Variants in ZBTB7A observed in about 807,000 individuals in gnomAD.
ZBTB7A encodes zinc finger and BTB domain-containing protein 7A.
ZBTB7A carries 7 observed loss-of-function variants against 26.7 expected under a neutral mutation model. The observed-to-expected ratio is 0.26, with a 90% confidence interval of 0.15 to 0.49. The LOEUF is 0.49. ZBTB7A is among the 20% of genes least tolerant of loss of function. ZBTB7A has a pLI of 0.98. For missense variants in ZBTB7A, 617 were observed against 919.5 expected (o/e 0.67, Z 4.25); for synonymous variants, 452 against 441.0 (o/e 1.02, Z -0.31).
At chr19:4,049,148 ATGTGTGTG>A (rs141419678) in intron 2 of ZBTB7A, among the ~76,000 whole-genome samples, 12 of 41,634 alleles carry the variant, frequency 2.9e-4, no homozygotes, top group African/African-American at 9.3e-4. Flanking sequence ...ATTAAACTAT[ATGTGTGTG>A]TGTGTGTGTG....
rs977450624 is a variant in ZBTB7A at position 4,048,805 on chromosome 19, G to A, written c.1263-561C>T. 2.0e-5 allele frequency among the ~76,000 whole-genome samples: 3 copies of A among 150,972 alleles called. No individual in the cohort carries two copies. Among genetic ancestry groups the A allele is most frequent in the African/African-American group, 4.9e-5 (2 of 41,072 alleles). On this transcript the variant is annotated intron_variant, in intron 2 of 2. Coordinates refer to ENST00000322357, the MANE Select transcript of ZBTB7A (RefSeq NM_015898.4). This position sits in a 1 kb window ranked among gnomAD's most constrained non-coding sequence, Gnocchi z 6.7. Reference sequence around the variant, plus strand: ...GAGGTGGAGGTTGCAGTGAAACTCCGTCTCAAAAAAAAAAATTTCACTTTT... The same window carrying A: ...GAGGTGGAGGTTGCAGTGAAACTCCATCTCAAAAAAAAAAATTTCACTTTT...
At position 4,045,884 on chromosome 19, in the gene ZBTB7A, A is replaced by G; in HGVS notation, c.*1868T>C. On this transcript the variant is annotated 3_prime_UTR_variant, in exon 3 of 3. Coordinates refer to ENST00000322357, the MANE Select transcript of ZBTB7A (RefSeq NM_015898.4). The surrounding 1 kb of genome is among the most constrained non-coding windows in gnomAD (Gnocchi z 4.1). The stretch of plus-strand genomic sequence containing the variant: ...TGGATTACAGTCAGTGCCTTTGAGT[A>G]AAAAGAGGGGTGCCTGGGGTGGGGA... The G allele has an allele frequency of 1.0e-5, 4 of 398,574 alleles. No individual in the cohort carries two copies. The highest frequency in any genetic ancestry group is 4.4e-6 in the Non-Finnish European group (1 of 225,996). The allele number at this position is 398,574 out of a possible 1,614,324, so 24.7% of individuals were successfully genotyped here.
intron 1 of ZBTB7A, among the ~76,000 whole-genome samples, chr19:4,064,914 C>T (rs901963545): frequency 2.6e-5 from 4 of 152,008 alleles, no homozygotes; most frequent in Non-Finnish European, 2.9e-5. Flanking sequence ...CAGCAACCTC[C>T]CGCCGCGGCC....
chr19:4,045,776 G>C lies in ZBTB7A; in HGVS notation c.*1976C>G. 2.5e-6 allele frequency: 1 copy of C among 397,760 alleles called. No individual in the cohort carries two copies. 24.6% of individuals were successfully genotyped at this position (397,760 alleles called of 1,614,324 possible). A position where few individuals can be genotyped will look rare whatever the true frequency, so the allele number is the denominator to read the frequency against. On this transcript the variant is annotated 3_prime_UTR_variant, in exon 3 of 3. Coordinates refer to ENST00000322357, the MANE Select transcript of ZBTB7A (RefSeq NM_015898.4). The surrounding 1 kb of genome is among the most constrained non-coding windows in gnomAD (Gnocchi z 4.1). ...CTGGCGACATAGTCTCCCCAACCCCGGCCCCTGTCCGTGGCCTGTGGCTCG... is the reference window on the plus strand; with the variant it reads ...CTGGCGACATAGTCTCCCCAACCCCCGCCCCTGTCCGTGGCCTGTGGCTCG...
At chr19:4,058,766 C>A (rs951509395) in intron 1 of ZBTB7A, among the ~76,000 whole-genome samples, 2 of 152,226 alleles carry the variant, frequency 1.3e-5, no homozygotes, top group African/African-American at 4.8e-5. Context: ...TGGTGTCGGT[C>A]CAGCCGGACC....
Position 4,047,927 on chromosome 19 carries a change from G to C in ZBTB7A, c.1580C>G (p.Pro527Arg). 1 of 1,504,702 alleles carries C rather than the reference G, an allele frequency of 6.6e-7. No individual in the cohort carries two copies. Among genetic ancestry groups the C allele is most frequent in the Non-Finnish European group, 8.9e-7 (1 of 1,125,500 alleles). 93.2% of individuals were successfully genotyped at this position (1,504,702 alleles called of 1,614,324 possible). The change falls in exon 3 of 3, where the codon CCC becomes CGC. Residue 527 changes from proline (P) to arginine (R), a missense_variant. Transcript: ENST00000322357. ...CTCCTGGCCGTTGCGCCGGGCGTCG[G>C]GGGAGCTGGGCTGGGCGGGGGCGCC... ...TPGAPAQPSS[P>R]DARRNGQEKH...
rs2144990877 is a variant in ZBTB7A, at chr19:4,054,341, A to C, written c.892T>G (p.Ser298Ala). ...PEPGDSPGFL[S>A]GAAEGEDGDG... ...CCGTCCTCGCCCTCGGCCGCTCCCG[A>C]CAGGAAGCCCGGAGAGTCGCCCGGC... The change falls in exon 2 of 3, where the codon TCG becomes GCG. Residue 298 changes from serine (S) to alanine (A), a missense_variant. Physicochemically the swap from Ser to Ala is moderately conservative, Grantham distance 99. Around this residue, in one of 5 missense-constraint regions of ZBTB7A, gnomAD observed 331 missense variants for 391.3 expected, o/e 0.85. Transcript: ENST00000322357. 1 of 1,504,504 alleles carries C rather than the reference A, an allele frequency of 6.6e-7. No individual in the cohort carries two copies. The highest frequency in any genetic ancestry group is 8.8e-7 in the Non-Finnish European group (1 of 1,134,964). The allele number at this position is 1,504,504 out of a possible 1,614,324, so 93.2% of individuals were successfully genotyped here.
intron 1 of ZBTB7A, among the ~76,000 whole-genome samples, chr19:4,065,074 G>A (rs930986711): frequency 6.6e-6 from 1 of 151,704 alleles, no homozygotes; most frequent in Non-Finnish European, 1.5e-5. Context: ...GGGAGGTAGG[G>A]AGCGGGAGGG....
chr19:4,064,890 C>T (rs1321511477), intron 1 of ZBTB7A, among the ~76,000 whole-genome samples: 1 of 152,060 alleles, frequency 6.6e-6, no homozygotes, highest in Non-Finnish European at 1.5e-5. Context: ...ACTGGGTGTC[C>T]GGGCCCGGGT....
intron 2 of ZBTB7A, among the ~76,000 whole-genome samples, chr19:4,051,882 C>T (rs1303902417): frequency 1.3e-5 from 2 of 152,070 alleles, no homozygotes; most frequent in Non-Finnish European, 2.9e-5. Context: ...GGAGGTATCC[C>T]TAGTTTCATC....
Position 4,054,156 on chromosome 19 carries a change from G to A in ZBTB7A, c.1077C>T (p.Ala359=), listed in dbSNP as rs200804885. 1.6e-5 allele frequency: 26 copies of A among 1,602,560 alleles called. 1 individual carries two copies. The highest frequency in any genetic ancestry group is 1.1e-4 in the South Asian group (10 of 91,072). Residue 359 remains alanine, a synonymous_variant, in exon 2 of 3, where the codon GCC becomes GCT. Coordinates refer to ENST00000322357, the MANE Select transcript of ZBTB7A (RefSeq NM_015898.4). ...AGGCCGGGTAGACGTCGCCGTCGTG[G>A]GCGCCGCTGAAGTACTTCAGGTAGT... ...MDYYLKYFSG[A]HDGDVYPAWS...
intron 1 of ZBTB7A, among the ~76,000 whole-genome samples, chr19:4,056,804 T>C (rs576639083): frequency 1.3e-5 from 2 of 149,476 alleles, no homozygotes; most frequent in African/African-American, 2.5e-5. Flanking sequence ...GGGGTGGAGG[T>C]TGCAGTGAGC....
In ZBTB7A at chr19:4,054,744, G is replaced by A. The variant is rs2040555072; in HGVS notation, c.489C>T (p.Phe163=). The part of the protein sequence containing the change: ...NLLRAKEYLE[F]FQSNPMNSLP... Reference sequence around the variant, plus strand: ...GGCTGTTCATGGGGTTGCTCTGGAAGAACTCGAGGTACTCCTTGGCGCGGA... The same window carrying A: ...GGCTGTTCATGGGGTTGCTCTGGAAAAACTCGAGGTACTCCTTGGCGCGGA... Residue 163 remains phenylalanine (F), a synonymous_variant, in exon 2 of 3, where the codon TTC becomes TTT. Transcript: ENST00000322357. 2 of 1,569,540 alleles carry A rather than the reference G, an allele frequency of 1.3e-6. No individual in the cohort carries two copies. Among genetic ancestry groups the A allele is most frequent in the Non-Finnish European group, 1.7e-6 (2 of 1,157,002 alleles).
rs992461874 is a variant in ZBTB7A, at chr19:4,045,835, G to T, written c.*1917C>A. The T allele has an allele frequency of 2.5e-6, 1 of 398,678 alleles. No homozygotes were observed. The highest frequency in any genetic ancestry group is 2.1e-5 in the African/African-American group (1 of 48,624). The allele number at this position is 398,678 out of a possible 1,614,324, so 24.7% of individuals were successfully genotyped here. A position where few individuals can be genotyped will look rare whatever the true frequency, so the allele number is the denominator to read the frequency against. ...CGGGCCTTGTGGGAGCCAGAGGTTG[G>T]GGGGAGGCAGGTCCCAGTCCCCCTG... is the stretch of plus-strand genomic sequence containing the variant. On this transcript the variant is annotated 3_prime_UTR_variant, in exon 3 of 3. Coordinates refer to ENST00000322357, the MANE Select transcript of ZBTB7A (RefSeq NM_015898.4). This position sits in a 1 kb window ranked among gnomAD's most constrained non-coding sequence, Gnocchi z 4.1.
chr19:4,049,816 C>T (rs912006697), intron 2 of ZBTB7A, among the ~76,000 whole-genome samples: 10 of 152,164 alleles, frequency 6.6e-5, no homozygotes, highest in Non-Finnish European at 8.8e-5. Flanking sequence ...TCCCGCAGTC[C>T]GGGGTACTTT....
At chr19:4,065,912 C>A (rs747693350) in intron 1 of ZBTB7A, among the ~76,000 whole-genome samples, 1,903 of 140,034 alleles carry the variant, frequency 0.014, 16 homozygotes, top group Non-Finnish European at 0.022. Context: ...CGCCCCCTGG[C>A]GGGCTGGCCC....
Position 4,054,454 on chromosome 19 carries a change from G to A in ZBTB7A, c.779C>T (p.Pro260Leu). Residue 260 changes from proline (P) to leucine (L), a missense_variant, in exon 2 of 3, where the codon CCG (proline) becomes CTG (leucine). Physicochemically the swap from Pro to Leu is moderately conservative, Grantham distance 98. Around this residue, in one of 5 missense-constraint regions of ZBTB7A, gnomAD observed 331 missense variants for 391.3 expected, o/e 0.85. Transcript: ENST00000322357. Reference protein sequence around the residue: ...DAPTGGLFPPPVAPPAATQNG... With the variant: ...DAPTGGLFPPLVAPPAATQNG... ...CTGCGTGGCGGCCGGCGGGGCCACC[G>A]GCGGCGGAAAGAGACCCCCGGTGGG... 6 of 1,357,804 alleles carry A rather than the reference G, an allele frequency of 4.4e-6. No homozygotes were observed. Among genetic ancestry groups the A allele is most frequent in the South Asian group, 1.7e-5 (1 of 57,896 alleles). The allele number at this position is 1,357,804 out of a possible 1,614,324, so 84.1% of individuals were successfully genotyped here.
At position 4,054,352 on chromosome 19, in the gene ZBTB7A, GGA is replaced by G; in HGVS notation, c.879_880del (p.Pro294GlyfsTer245). 6.7e-7 allele frequency: 1 copy of G among 1,487,596 alleles called. No individual in the cohort carries two copies. The highest frequency in any genetic ancestry group is 8.9e-7 in the Non-Finnish European group (1 of 1,128,330). 92.1% of individuals were successfully genotyped at this position (1,487,596 alleles called of 1,614,324 possible). ...CTCGGCCGCTCCCGACAGGAAGCCC[GGA>G]GAGTCGCCCGGCTCGGGGGCCGCCT... On this transcript the variant is annotated frameshift_variant, in exon 2 of 3. Coordinates refer to ENST00000322357, the MANE Select transcript of ZBTB7A (RefSeq NM_015898.4). LOFTEE classifies it high-confidence loss of function.
rs955915127 is a variant in ZBTB7A, at chr19:4,045,754, G to A, written c.*1998C>T. 1 of 397,274 alleles carries A rather than the reference G, an allele frequency of 2.5e-6. No homozygotes were observed. Among genetic ancestry groups the A allele is most frequent in the Admixed American group, 4.4e-5 (1 of 22,700 alleles). 24.6% of individuals were successfully genotyped at this position (397,274 alleles called of 1,614,324 possible). On this transcript the variant is annotated 3_prime_UTR_variant, in exon 3 of 3. Coordinates refer to ENST00000322357, the MANE Select transcript of ZBTB7A (RefSeq NM_015898.4). The surrounding 1 kb of genome is among the most constrained non-coding windows in gnomAD (Gnocchi z 4.1). ...CGGGGTGAGGGCGTCCTGGCATCTG[G>A]CGACATAGTCTCCCCAACCCCGGCC...
Sources: allele counts gnomAD v4.1 joint callset (sites outside exome capture counted in the v4.1 genomes callset), GRCh38; gene constraint gnomAD v4.1.1; regional missense constraint gnomAD v4.1.1; non-coding constraint Gnocchi (gnomAD v3.1); transcripts MANE v1.5; gene names NCBI Gene and HGNC (gene_info 2026-07-23, HGNC 2026-07-21).